ANKFN1: variants seen among roughly 807,000 people sequenced by gnomAD.
The protein encoded by ANKFN1 is ankyrin repeat and fibronectin type III domain containing 1.
ANKFN1 carries 74 observed loss-of-function variants against 108.7 expected under a neutral mutation model. That is an observed-to-expected ratio of 0.68 (90% CI 0.56 to 0.83). The LOEUF is 0.83. ANKFN1 is among the 40% of genes least tolerant of loss of function. The probability of loss-of-function intolerance (pLI) is 0.00; values close to 1 mark genes in which losing one functional copy is unlikely to be tolerated. For synonymous variants in ANKFN1, 547 were observed against 516.2 expected (o/e 1.06, Z -0.81); for missense variants, 1,505 against 1,382.3 (o/e 1.09, Z -1.41).
At chr17:56,081,334 G>GTTTATTTATGTA (rs1555591811) in intron 4 of ANKFN1, among the ~76,000 whole-genome samples, 2 of 70,914 alleles carry the variant, frequency 2.8e-5, no homozygotes, top group Admixed American at 1.2e-4. Context: ...GGTTTTATTT[G>GTTTATTTATGTA]TTTATTTATT....
At chr17:56,305,947 T>A (rs1471191326) in intron 3 of ANKFN1, among the ~76,000 whole-genome samples, 3 of 152,206 alleles carry the variant, frequency 2.0e-5, no homozygotes, top group African/African-American at 7.2e-5. Context: ...TGCACCTTTG[T>A]CAGAACTCAG....
At chr17:56,362,886 A>G (rs896625190) in intron 6 of ANKFN1, among the ~76,000 whole-genome samples, 2 of 152,216 alleles carry the variant, frequency 1.3e-5, no homozygotes, top group African/African-American at 4.8e-5. Flanking sequence ...TAAGGAATTC[A>G]ATTCAACAGG....
At chr17:56,052,110 A>G (rs1213484575) in intron 4 of ANKFN1, among the ~76,000 whole-genome samples, 1 of 151,978 alleles carries the variant, frequency 6.6e-6, no homozygotes, top group East Asian at 1.9e-4. Flanking sequence ...CCGCATTGCC[A>G]AGTCAATCCT....
chr17:56,449,838 ATCCTGAATTTTAATCT>A (rs2049423762), intron 11 of ANKFN1, among the ~76,000 whole-genome samples: 1 of 152,114 alleles, frequency 6.6e-6, no homozygotes, highest in Admixed American at 6.5e-5. Context: ...CTGTAACCTC[ATCCTGAATTTTAATCT>A]TCCTCTGTAC....
chr17:56,266,315 T>G (rs1459636123), intron 3 of ANKFN1, among the ~76,000 whole-genome samples: 2 of 152,304 alleles, frequency 1.3e-5, no homozygotes, highest in Non-Finnish European at 2.9e-5. Context: ...ACATTGTTGT[T>G]GAATCATCAT....
At chr17:56,479,571 A>G (rs1164098666) in intron 16 of ANKFN1, among the ~76,000 whole-genome samples, 3 of 152,244 alleles carry the variant, frequency 2.0e-5, no homozygotes, top group Non-Finnish European at 4.4e-5. Flanking sequence ...TACTTGAAAT[A>G]AAACAGATAT....
chr17:56,244,726 C>G (rs1287143001), intron 3 of ANKFN1, among the ~76,000 whole-genome samples: 4 of 152,074 alleles, frequency 2.6e-5, no homozygotes, highest in Non-Finnish European at 5.9e-5. Flanking sequence ...CTAAGAGTAC[C>G]AGCAGGGTAT....
At chr17:56,316,542 G>A (rs1466744666) in intron 3 of ANKFN1, among the ~76,000 whole-genome samples, 1 of 152,180 alleles carries the variant, frequency 6.6e-6, no homozygotes, top group East Asian at 1.9e-4. Flanking sequence ...TCATTTAGCA[G>A]TTAGCCAAGG....
intron 3 of ANKFN1, among the ~76,000 whole-genome samples, chr17:56,290,486 A>G (rs941410785): frequency 1.4e-4 from 21 of 152,174 alleles, no homozygotes; most frequent in African/African-American, 5.1e-4. Flanking sequence ...GATCGAATCT[A>G]TATATACCTT....
chr17:56,344,292 T>A (rs2046038382), intron 4 of ANKFN1, among the ~76,000 whole-genome samples: 1 of 152,078 alleles, frequency 6.6e-6, no homozygotes, highest in Non-Finnish European at 1.5e-5. Context: ...ATGTGGCCAC[T>A]GAAGTTGCTA....
At position 56,394,555 on chromosome 17, in the gene ANKFN1, GC is replaced by G. The variant is rs545762329; in HGVS notation, c.910+19847del. 7.7e-3 allele frequency among the ~76,000 whole-genome samples: 1,167 copies of G among 152,076 alleles called. 13 individuals carry two copies. The highest frequency in any genetic ancestry group is 0.027 in the African/African-American group (1,107 of 41,468). On this transcript the variant is annotated intron_variant, in intron 8 of 20. Transcript: ENST00000682825. The stretch of plus-strand genomic sequence containing the variant: ...CATAGTGACTTGCCAAGTTTCCCCT[GC>G]CCCCCAGCTACCGCCATCCCCACCA...
At chr17:56,295,795 G>T (rs1276182493) in intron 3 of ANKFN1, among the ~76,000 whole-genome samples, 1 of 152,224 alleles carries the variant, frequency 6.6e-6, no homozygotes, top group African/African-American at 2.4e-5. Flanking sequence ...ACCACATGGT[G>T]GAAGGGGAAA....
chr17:56,337,883 G>A (rs1030357942), intron 4 of ANKFN1, among the ~76,000 whole-genome samples: 1 of 152,202 alleles, frequency 6.6e-6, no homozygotes, highest in Non-Finnish European at 1.5e-5. Context: ...AACCATTGTG[G>A]AAGACAGTGT....
chr17:56,224,951 G>A (rs1023700288), intron 2 of ANKFN1: 3 of 152,306 alleles, frequency 2.0e-5, no homozygotes, highest in African/African-American at 7.2e-5. Flanking sequence ...ATCTTCTGAG[G>A]TGGGCATAGC....
intron 4 of ANKFN1, among the ~76,000 whole-genome samples, chr17:56,063,128 A>G (rs951710714): frequency 6.6e-6 from 1 of 152,102 alleles, no homozygotes; most frequent in African/African-American, 2.4e-5. Context: ...TTTTTAGGTG[A>G]CGTGGCCTTT....
At chr17:56,414,072 T>G (rs1183731034) in intron 8 of ANKFN1, among the ~76,000 whole-genome samples, 1 of 152,234 alleles carries the variant, frequency 6.6e-6, no homozygotes, top group African/African-American at 2.4e-5. Context: ...TTTGATGTGC[T>G]GCTGGATTCC....
At chr17:56,474,973 T>C (rs2050449873) in intron 15 of ANKFN1, among the ~76,000 whole-genome samples, 1 of 152,212 alleles carries the variant, frequency 6.6e-6, no homozygotes, top group South Asian at 2.1e-4. Context: ...ATTTTGCTTT[T>C]CTGCACATGC....
In ANKFN1 at chr17:56,089,968, G is replaced by A. The variant is rs951501565; in HGVS notation, c.288+43643G>A. On this transcript the variant is annotated intron_variant, in intron 4 of 12. Transcript: ENST00000635860. ...TGCTAAGTATATGCAATATGAAAGG[G>A]AAAGATAGAAAAGAAAGCATCCATG... Among the ~76,000 whole-genome samples, 3 of 151,442 alleles carry A rather than the reference G, an allele frequency of 2.0e-5. 1 individual carries two copies. Among genetic ancestry groups the A allele is most frequent in the Admixed American group, 6.6e-5 (1 of 15,178 alleles).
intron 1 of ANKFN1, among the ~76,000 whole-genome samples, chr17:56,204,707 C>G (rs1409751848): frequency 3.9e-5 from 6 of 152,180 alleles, no homozygotes; most frequent in Non-Finnish European, 7.3e-5. Flanking sequence ...ATTTCAAAAT[C>G]AATGTCAAAC....
Sources: gnomAD v4.1 joint callset for allele counts (sites outside exome capture counted in the v4.1 genomes callset) on GRCh38, gnomAD v4.1.1 for gene constraint, MANE v1.5 for transcripts, NCBI Gene and HGNC (gene_info 2026-07-23, HGNC 2026-07-21) for gene names.